Variants in CYTH1 observed in about 807,000 individuals in gnomAD.
CYTH1 encodes the protein cytohesin-1.
In CYTH1, 18 loss-of-function variants were observed where a neutral mutation model predicts 61.8. The ratio of observed to expected loss-of-function variants is 0.29; its 90% CI spans 0.20 to 0.43. CYTH1 has a LOEUF of 0.43. Among genes scored for constraint, CYTH1 ranks in the 20% least tolerant of loss-of-function variants. The pLI is 1.00. For missense variants in CYTH1, 336 were observed against 510.5 expected, an observed-to-expected ratio of 0.66 and a Z score of 3.29; for synonymous variants, 174 against 184.3, an observed-to-expected ratio of 0.94 and a Z score of 0.45.
At chr17:78,735,727 C>A (rs2093317404) in intron 1 of CYTH1, among the ~76,000 whole-genome samples, 1 of 152,346 alleles carries the variant, frequency 6.6e-6, no homozygotes, top group Non-Finnish European at 1.5e-5. Flanking sequence ...ACAACTTTCA[C>A]AAAATCCACT....
At chr17:78,752,690 A>C (rs1035140897) in intron 1 of CYTH1, among the ~76,000 whole-genome samples, 1 of 152,168 alleles carries the variant, frequency 6.6e-6, no homozygotes, top group African/African-American at 2.4e-5. Flanking sequence ...CAGCCTCCCA[A>C]TGTGCTGAGA....
chr17:78,760,560 TATATATATAC>T (rs2093424293), intron 1 of CYTH1, among the ~76,000 whole-genome samples: 6 of 32,672 alleles, frequency 1.8e-4, no homozygotes, highest in African/African-American at 5.8e-4. Context: ...TATATATGTA[TATATATATAC>T]ACATACATAT....
Position 78,707,118 on chromosome 17 carries a change from A to T in CYTH1, c.170+1079T>A, listed in dbSNP as rs143704107. Among the ~76,000 whole-genome samples the T allele has an allele frequency of 8.4e-3, 1,275 of 152,300 alleles. 16 individuals are homozygous for T. Among genetic ancestry groups the T allele is most frequent in the African/African-American group, 0.029 (1,203 of 41,562 alleles). On this transcript the variant is annotated intron_variant, in intron 3 of 13. Coordinates refer to ENST00000446868, the MANE Select transcript of CYTH1 (RefSeq NM_004762.6). ...GAAAGAGGGGAAACTAATCCAAAAT[A>T]CCAAATGGACAATACAGAGACTGGC...
chr17:78,690,393 CAAAAAAAAAAAAAAAAAAAA>C (rs60663636), intron 11 of CYTH1, among the ~76,000 whole-genome samples: 729 of 28,316 alleles, frequency 0.026, 13 homozygotes, highest in African/African-American at 0.064. Flanking sequence ...GACTCCATCT[CAAAAAAAAAAAAAAAAAAAA>C]AAAAAAAAAA....
intron 1 of CYTH1, among the ~76,000 whole-genome samples, chr17:78,773,936 T>C (rs981769535): frequency 5.3e-5 from 8 of 152,214 alleles, no homozygotes; most frequent in African/African-American, 1.9e-4. Context: ...TCATTTCTTA[T>C]GATGTAGCCA....
At chr17:78,679,721 G>T (rs11657403) in intron 13 of CYTH1, among the ~76,000 whole-genome samples, 1 of 151,940 alleles carries the variant, frequency 6.6e-6, no homozygotes, top group African/African-American at 2.4e-5. Flanking sequence ...CCCTCCTCCC[G>T]GACCTTGGAT....
chr17:78,701,690 T>A lies in CYTH1; in HGVS notation c.418A>T (p.Asn140Tyr), dbSNP rs139968035. The A allele has an allele frequency of 1.2e-6, 2 of 1,614,036 alleles. No individual in the cohort carries two copies. Among genetic ancestry groups the A allele is most frequent in the Non-Finnish European group, 1.7e-6 (2 of 1,180,050 alleles). Residue 140 changes from asparagine (N) to tyrosine (Y), a missense_variant, in exon 6 of 14, where the codon AAT becomes TAT. Asn to Tyr is a moderately radical substitution (Grantham distance 143). Coordinates refer to ENST00000446868, the MANE Select transcript of CYTH1 (RefSeq NM_004762.6). ...ACTCACCGTAGTGCCTGGACGAGAT[T>A]AAGATCAGTGAACTCATGCAGCTCC... is the stretch of plus-strand genomic sequence containing the variant. ...FVELHEFTDL[N>Y]LVQALRQFLW...
chr17:78,702,137 T>A lies in CYTH1; in HGVS notation c.341A>T (p.Asp114Val). 6.2e-7 allele frequency: 1 copy of A among 1,613,968 alleles called. No homozygotes were observed. The highest frequency in any genetic ancestry group is 8.5e-7 in the Non-Finnish European group (1 of 1,179,858). The change falls in exon 5 of 14, where the codon GAC becomes GTC. Residue 114 changes from aspartate to valine, a missense_variant. Transcript: ENST00000446868. ...AAGGCCTTACCTCTCCCCTAGGTAG[T>A]CGCCGATGGCTGTCTTGTTGAGCCC... ...GEGLNKTAIG[D>V]YLGERDEFNI...
intron 11 of CYTH1, among the ~76,000 whole-genome samples, chr17:78,686,781 T>A (rs180977004): frequency 8.5e-5 from 13 of 152,164 alleles, no homozygotes; most frequent in African/African-American, 2.9e-4. Flanking sequence ...TTAATTAATT[T>A]ATTTATTTTT....
chr17:78,687,210 C>G (rs1408186070), intron 11 of CYTH1, among the ~76,000 whole-genome samples: 1 of 151,894 alleles, frequency 6.6e-6, no homozygotes, highest in East Asian at 1.9e-4. Context: ...ACTAGATAGT[C>G]CCATCTGGGG....
chr17:78,762,869 C>A (rs887590009), intron 1 of CYTH1, among the ~76,000 whole-genome samples: 7 of 152,172 alleles, frequency 4.6e-5, no homozygotes, highest in Non-Finnish European at 8.8e-5. Flanking sequence ...AGAAACACAA[C>A]CCTGCTGAAA....
intron 1 of CYTH1, among the ~76,000 whole-genome samples, chr17:78,745,263 C>G (rs1333897497): frequency 6.6e-6 from 1 of 152,060 alleles, no homozygotes; most frequent in Non-Finnish European, 1.5e-5. Context: ...GACCCACCAT[C>G]GCCAACCTCA....
At chr17:78,680,399 A>G (rs566292294) in intron 12 of CYTH1, 55 bp from the exon 13 acceptor site, 15 of 1,537,906 alleles carry the variant, frequency 9.8e-6, no homozygotes, top group African/African-American at 1.4e-5. Context: ...GTTAACTGAG[A>G]AACATGCTGA....
chr17:78,769,391 T>C (rs1246931688), intron 1 of CYTH1, among the ~76,000 whole-genome samples: 2 of 152,104 alleles, frequency 1.3e-5, no homozygotes, highest in East Asian at 3.9e-4. Context: ...TCTCATTCTC[T>C]TTGCTTTGAT....
At chr17:78,780,141 C>T (rs987311728) in intron 1 of CYTH1, among the ~76,000 whole-genome samples, 1 of 152,230 alleles carries the variant, frequency 6.6e-6, no homozygotes, top group Non-Finnish European at 1.5e-5. Context: ...AAACTGCTGT[C>T]GGCTTCTCAG....
chr17:78,736,835 T>A, intron 1 of CYTH1: 1 of 252,146 alleles, frequency 4.0e-6, no homozygotes, highest in Non-Finnish European at 8.8e-6. Flanking sequence ...GGGATACCTG[T>A]GAAGCTGTCC....
chr17:78,729,068 A>C (rs938799707), intron 1 of CYTH1, among the ~76,000 whole-genome samples: 1 of 152,230 alleles, frequency 6.6e-6, no homozygotes. Context: ...CAATAAATTC[A>C]CAAAACATAT....
intron 1 of CYTH1, among the ~76,000 whole-genome samples, chr17:78,742,215 ACTG>A (rs2093344435): frequency 6.6e-6 from 1 of 152,190 alleles, no homozygotes; most frequent in Non-Finnish European, 1.5e-5. Flanking sequence ...CTCACTATAC[ACTG>A]CTATGAAACT....
chr17:78,742,900 G>C (rs2093346670), intron 1 of CYTH1, among the ~76,000 whole-genome samples: 1 of 152,112 alleles, frequency 6.6e-6, no homozygotes, highest in African/African-American at 2.4e-5. Context: ...TGCTAGCCTA[G>C]CCACAGCTAA....
Sources: allele counts gnomAD v4.1 joint callset (sites outside exome capture counted in the v4.1 genomes callset), GRCh38; gene constraint gnomAD v4.1.1; transcripts MANE v1.5; gene names NCBI Gene and HGNC (gene_info 2026-07-23, HGNC 2026-07-21).